C9: variants seen among roughly 807,000 people sequenced by gnomAD.
The protein encoded by C9 is complement component C9.
A neutral mutation model predicts 65.4 loss-of-function variants in C9; 63 were observed. The observed-to-expected ratio is 0.96, with a 90% CI of 0.79 to 1.19. The LOEUF is 1.19. Ranked by LOEUF, C9 falls within the 50% of genes most tolerant of loss-of-function variation. The probability of loss-of-function intolerance (pLI) is 0.00; values close to 1 mark genes in which losing one functional copy is unlikely to be tolerated. For synonymous variants in C9, 229 were observed against 227.9 expected (o/e 1.00, Z -0.04); for missense variants, 744 against 670.1 (o/e 1.11, Z -1.22).
At chr5:39,348,091 A>G (rs1754244792) in intron 1 of C9, among the ~76,000 whole-genome samples, 1 of 152,172 alleles carries the variant, frequency 6.6e-6, no homozygotes, top group South Asian at 2.1e-4. Context: ...AGGCAATACC[A>G]TTCAGGACAT....
chr5:39,290,009 T>C lies in C9; in HGVS notation c.1417-1058A>G, dbSNP rs530531607. On this transcript the variant is annotated intron_variant, in intron 9 of 10. Transcript: ENST00000263408. ...GCACACTCAAATTCCTGCAGTAAGATACACAGTTGCTACACTGAAATCAAG... is the reference window on the plus strand; with the variant it reads ...GCACACTCAAATTCCTGCAGTAAGACACACAGTTGCTACACTGAAATCAAG... 4.6e-5 allele frequency among the ~76,000 whole-genome samples: 7 copies of C among 152,036 alleles called. No individual in the cohort carries two copies. In the South Asian group the frequency reaches 1.0e-3, roughly 22 times the overall value.
chr5:39,322,625 A>G (rs1004826434), intron 5 of C9, among the ~76,000 whole-genome samples: 1 of 152,136 alleles, frequency 6.6e-6, no homozygotes, highest in African/African-American at 2.4e-5. Flanking sequence ...AGAAAACTCA[A>G]ATAAAATCAG....
intron 1 of C9, among the ~76,000 whole-genome samples, chr5:39,345,617 G>A (rs942650130): frequency 1.3e-5 from 2 of 152,160 alleles, no homozygotes; most frequent in African/African-American, 4.8e-5. Context: ...AGATCAGTGA[G>A]ACAGAAAGTT....
chr5:39,324,198 A>G (rs261754), intron 5 of C9, among the ~76,000 whole-genome samples: 88,528 of 152,042 alleles, frequency 0.58, 26,360 homozygotes, highest in African/African-American at 0.7. Flanking sequence ...TCCAATATTC[A>G]TGGATTGGAA....
At chr5:39,325,370 T>C (rs1753730107) in intron 5 of C9, among the ~76,000 whole-genome samples, 1 of 152,200 alleles carries the variant, frequency 6.6e-6, no homozygotes. Flanking sequence ...ATCTATAGAA[T>C]ATTTTTTCTG....
chr5:39,304,964 T>C (rs1244541714), intron 9 of C9, among the ~76,000 whole-genome samples: 1 of 152,182 alleles, frequency 6.6e-6, no homozygotes, highest in African/African-American at 2.4e-5. Flanking sequence ...GCTGAACTAT[T>C]ATTAAGACCT....
At chr5:39,355,447 A>T (rs1754398682) in intron 1 of C9, among the ~76,000 whole-genome samples, 1 of 115,116 alleles carries the variant, frequency 8.7e-6, no homozygotes, top group African/African-American at 2.7e-5. Context: ...CTTCTAACCC[A>T]AGGACTCCTT....
At chr5:39,296,697 T>C (rs1309360611) in intron 9 of C9, among the ~76,000 whole-genome samples, 1 of 151,554 alleles carries the variant, frequency 6.6e-6, no homozygotes, top group Non-Finnish European at 1.5e-5. Flanking sequence ...ATAAATAATG[T>C]ATTTTTTCTT....
rs73749496 is a variant in C9 at position 39,311,096 on chromosome 5, C to T, written c.1111+41G>A. 1.4e-5 allele frequency: 22 copies of T among 1,608,184 alleles called. No individual in the cohort carries two copies. In the African/African-American group the frequency reaches 2.8e-4, roughly 20 times the overall value. On this transcript the variant is annotated intron_variant, in intron 7 of 10. Coordinates refer to ENST00000263408, the MANE Select transcript of C9 (RefSeq NM_001737.5). ...GTTGGTGAACAAAATAATGTTTGGTCAAAACAGTATTTGAAGTCAGAGCTC... is the reference window on the plus strand; with the variant it reads ...GTTGGTGAACAAAATAATGTTTGGTTAAAACAGTATTTGAAGTCAGAGCTC...
chr5:39,343,145 G>A (rs374204772), intron 1 of C9, among the ~76,000 whole-genome samples: 21 of 152,132 alleles, frequency 1.4e-4, no homozygotes, highest in African/African-American at 3.1e-4. Flanking sequence ...CTGAGGTACC[G>A]GGTTCATCTC....
At chr5:39,287,182 A>G (rs1004706622) in intron 10 of C9, among the ~76,000 whole-genome samples, 1 of 151,916 alleles carries the variant, frequency 6.6e-6, no homozygotes, top group African/African-American at 2.4e-5. Context: ...GTAGGAAGTA[A>G]AATAGTTTAA....
intron 1 of C9, among the ~76,000 whole-genome samples, chr5:39,349,498 C>T (rs1262310602): frequency 2.0e-5 from 3 of 152,194 alleles, no homozygotes; most frequent in African/African-American, 7.2e-5. Context: ...TTCTGACATC[C>T]AAAGAACAAG....
chr5:39,341,081 C>T (rs1335655472), intron 4 of C9, 65 bp downstream of exon 4: 2 of 1,543,412 alleles, frequency 1.3e-6, no homozygotes, highest in African/African-American at 2.7e-5. Context: ...CAGTCTATCA[C>T]AATGAGAGAG....
chr5:39,359,098 G>A (rs1391405692), intron 1 of C9, among the ~76,000 whole-genome samples: 220 of 96,520 alleles, frequency 2.3e-3, no homozygotes, highest in African/African-American at 8.9e-3. Context: ...ATGTGTGTGT[G>A]TGTGTATATA....
chr5:39,352,582 C>T (rs936285669), intron 1 of C9, among the ~76,000 whole-genome samples: 3 of 152,194 alleles, frequency 2.0e-5, no homozygotes, highest in Non-Finnish European at 4.4e-5. Flanking sequence ...TCTATGCCAT[C>T]TAGTCAACCA....
At chr5:39,316,747 T>C (rs993181435) in intron 5 of C9, among the ~76,000 whole-genome samples, 11 of 152,224 alleles carry the variant, frequency 7.2e-5, no homozygotes, top group African/African-American at 1.7e-4. Context: ...CACTCTATCA[T>C]TGATGGGCGT....
intron 5 of C9, among the ~76,000 whole-genome samples, chr5:39,325,014 T>C (rs1753725322): frequency 6.6e-6 from 1 of 152,132 alleles, no homozygotes; most frequent in Non-Finnish European, 1.5e-5. Flanking sequence ...GCACTAAAAA[T>C]GGAAGAGATA....
chr5:39,332,712 G>A (rs1753867229), intron 4 of C9, among the ~76,000 whole-genome samples: 1 of 152,152 alleles, frequency 6.6e-6, no homozygotes, highest in Admixed American at 6.5e-5. Flanking sequence ...CTCTTCCATT[G>A]CCCTAGGCCA....
At chr5:39,359,557 A>AT (rs910437073) in intron 1 of C9, among the ~76,000 whole-genome samples, 3 of 151,380 alleles carry the variant, frequency 2.0e-5, no homozygotes, top group Non-Finnish European at 2.9e-5. Context: ...GAAATGTGCC[A>AT]TTTTTTTTTA....
Sources: gnomAD v4.1 joint callset for allele counts (sites outside exome capture counted in the v4.1 genomes callset) on GRCh38, gnomAD v4.1.1 for gene constraint, MANE v1.5 for transcripts, NCBI Gene and HGNC (gene_info 2026-07-23, HGNC 2026-07-21) for gene names.